RAB37: variants seen among roughly 807,000 people sequenced by gnomAD.
RAB37 encodes RAB37, member RAS oncogene family.
A neutral mutation model predicts 33.1 loss-of-function variants in RAB37; 29 were observed. The ratio of observed to expected loss-of-function variants is 0.88; its 90% confidence interval spans 0.65 to 1.20. The LOEUF (loss-of-function observed/expected upper bound fraction) is 1.20, where lower values mean the gene tolerates loss of function less well. RAB37 is among the 50% of genes most tolerant of loss of function. RAB37 has a pLI of 0.00. For synonymous variants in RAB37, 128 were observed against 119.5 expected (o/e 1.07, Z -0.47); for missense variants, 299 against 301.1 (o/e 0.99, Z 0.05).
chr17:74,713,964 C>A (rs1415819099), intron 1 of RAB37, among the ~76,000 whole-genome samples: 1 of 140,688 alleles, frequency 7.1e-6, no homozygotes, highest in Non-Finnish European at 1.5e-5. Context: ...AATCCCAACA[C>A]TTTGGGAGGC....
intron 1 of RAB37, among the ~76,000 whole-genome samples, chr17:74,702,112 G>A (rs1015149588): frequency 2.0e-5 from 3 of 152,080 alleles, no homozygotes; most frequent in African/African-American, 7.2e-5. Context: ...CAGGTGGTTA[G>A]AATACCGGGG....
intron 1 of RAB37, among the ~76,000 whole-genome samples, chr17:74,696,652 G>C (rs189561361): frequency 1.3e-5 from 2 of 152,102 alleles, no homozygotes; most frequent in Non-Finnish European, 2.9e-5. Flanking sequence ...TCCCCCTCCC[G>C]GGCCCCCGGG....
Position 74,740,761 on chromosome 17 carries a change from C to A in RAB37, c.94-7C>A. 1 of 1,605,176 alleles carries A rather than the reference C, an allele frequency of 6.2e-7. No individual in the cohort carries two copies. Among genetic ancestry groups the A allele is most frequent in the Non-Finnish European group, 8.5e-7 (1 of 1,172,128 alleles). ...CCCCATTAACTGCCTCTGCCCCTAC[C>A]CCCTAGGTGATGCTTCTGGGAGACA... On this transcript the variant is annotated splice_region_variant and splice_polypyrimidine_tract_variant and intron_variant, in intron 1 of 8. Coordinates refer to ENST00000392613, the MANE Select transcript of RAB37 (RefSeq NM_001006638.3).
intron 1 of RAB37, among the ~76,000 whole-genome samples, chr17:74,737,856 C>T (rs1182438018): frequency 6.6e-6 from 1 of 152,204 alleles, no homozygotes; most frequent in Non-Finnish European, 1.5e-5. Flanking sequence ...TCCCATTCCA[C>T]CCGCTGGAGG....
rs537265312 is a variant in RAB37, at chr17:74,725,740, C to A, written c.73-3516C>A. On this transcript the variant is annotated intron_variant, in intron 1 of 7. Transcript: ENST00000340415. ...CCGGGTTCAAGGGATTCTCCTGCCTCAGCCTCCCAAGTAGCTGGGATTACA... is the reference window on the plus strand; with the variant it reads ...CCGGGTTCAAGGGATTCTCCTGCCTAAGCCTCCCAAGTAGCTGGGATTACA... Among the ~76,000 whole-genome samples, 20 of 152,016 alleles carry A rather than the reference C, an allele frequency of 1.3e-4. No homozygotes were observed. The South Asian group carries it at 4.0e-3, about 30-fold the overall frequency.
At chr17:74,679,719 C>T (rs913362821) in intron 1 of RAB37, among the ~76,000 whole-genome samples, 1 of 152,078 alleles carries the variant, frequency 6.6e-6, no homozygotes, top group Non-Finnish European at 1.5e-5. Flanking sequence ...GTGCTTCATG[C>T]CTGTAATCCC....
chr17:74,686,694 C>T (rs2032061796), intron 1 of RAB37, among the ~76,000 whole-genome samples: 1 of 152,090 alleles, frequency 6.6e-6, no homozygotes, highest in Non-Finnish European at 1.5e-5. Flanking sequence ...CAACCAGCCT[C>T]TTCTAGTATT....
At chr17:74,675,785 C>T (rs975929297) in intron 1 of RAB37, among the ~76,000 whole-genome samples, 1 of 152,108 alleles carries the variant, frequency 6.6e-6, no homozygotes, top group African/African-American at 2.4e-5. Context: ...GTAGCTCTTG[C>T]ACTTTAGCTG....
chr17:74,744,331 G>C lies in RAB37; in HGVS notation c.390G>C (p.Glu130Asp). The C allele has an allele frequency of 6.2e-7, 1 of 1,614,074 alleles. No individual in the cohort carries two copies. Among genetic ancestry groups the C allele is most frequent in the Non-Finnish European group, 8.5e-7 (1 of 1,179,980 alleles). Residue 130 changes from glutamate (E) to aspartate (D), a missense_variant, in exon 6 of 9, where the codon GAG becomes GAC. Glu to Asp is a conservative substitution (Grantham distance 45). Coordinates refer to ENST00000392613, the MANE Select transcript of RAB37 (RefSeq NM_001006638.3). The surrounding 1 kb of genome is among the most constrained non-coding windows in gnomAD (Gnocchi z 4.2). The part of the protein sequence containing the change: ...NIRAWLTEIH[E>D]YAQRDVVIML... Reference sequence around the variant, plus strand: ...AGGCCTGGCTCACTGAGATTCATGAGTATGCCCAGAGGGACGTGGTGATCA... The same window carrying C: ...AGGCCTGGCTCACTGAGATTCATGACTATGCCCAGAGGGACGTGGTGATCA...
chr17:74,744,830 G>A lies in RAB37; in HGVS notation c.433-43G>A. On this transcript the variant is annotated intron_variant, in intron 6 of 8. Coordinates refer to ENST00000392613, the MANE Select transcript of RAB37 (RefSeq NM_001006638.3). This position sits in a 1 kb window ranked among gnomAD's most constrained non-coding sequence, Gnocchi z 4.2. ...TGGGGCAAAATATGGGCCCGCTGGGGCGGAGGCCTCCTTCCCCAGAGTGAC... is the reference window on the plus strand; with the variant it reads ...TGGGGCAAAATATGGGCCCGCTGGGACGGAGGCCTCCTTCCCCAGAGTGAC... 3 of 1,612,332 alleles carry A rather than the reference G, an allele frequency of 1.9e-6. No individual in the cohort carries two copies. Among genetic ancestry groups the A allele is most frequent in the Non-Finnish European group, 2.5e-6 (3 of 1,178,336 alleles).
Position 74,671,523 on chromosome 17 carries a change from C to T in RAB37, c.-64C>T. 1 of 1,535,978 alleles carries T rather than the reference C, an allele frequency of 6.5e-7. No homozygotes were observed. Among genetic ancestry groups the T allele is most frequent in the South Asian group, 1.1e-5 (1 of 89,196 alleles). On this transcript the variant is annotated 5_prime_UTR_variant, in exon 1 of 8. Transcript: ENST00000340415. The surrounding 1 kb of genome is among the most constrained non-coding windows in gnomAD (Gnocchi z 5.0). ...CTGCCGCACCCAGCGGAGCTCGAAC[C>T]GAGCTCCTGGAAGCGCTGACGCAGA...
At chr17:74,701,191 C>T (rs1417780806) in intron 1 of RAB37, among the ~76,000 whole-genome samples, 1 of 152,224 alleles carries the variant, frequency 6.6e-6, no homozygotes, top group Admixed American at 6.5e-5. Flanking sequence ...TCCTTCATCA[C>T]TGGATGTGCA....
chr17:74,675,680 A>C lies in RAB37; in HGVS notation c.72+4022A>C, dbSNP rs146325146. ...CAAACATCCCAGTTCTGACTTCCTA[A>C]GTTGAGTATCTTTTTTCTCTTGGAG... On this transcript the variant is annotated intron_variant, in intron 1 of 7. Coordinates refer to the RAB37 transcript ENST00000340415. 2.0e-3 allele frequency among the ~76,000 whole-genome samples: 307 copies of C among 152,290 alleles called. 3 individuals carry two copies. The highest frequency in any genetic ancestry group is 7.1e-3 in the African/African-American group (294 of 41,564).
At position 74,744,069 on chromosome 17, in the gene RAB37, T is replaced by C. The variant is rs2034688057; in HGVS notation, c.367-239T>C. Among the ~76,000 whole-genome samples the C allele has an allele frequency of 6.6e-6, 1 of 152,122 alleles. No individual in the cohort carries two copies. Among genetic ancestry groups the C allele is most frequent in the African/African-American group, 2.4e-5 (1 of 41,426 alleles). ...TTGTGAGATAAGGTCTCCATGCATC[T>C]GGATCTTCCATAGAACTGATAGTTG... is the stretch of plus-strand genomic sequence containing the variant. On this transcript the variant is annotated intron_variant, in intron 5 of 8. Coordinates refer to ENST00000392613, the MANE Select transcript of RAB37 (RefSeq NM_001006638.3). This position sits in a 1 kb window ranked among gnomAD's most constrained non-coding sequence, Gnocchi z 4.2.
intron 1 of RAB37, among the ~76,000 whole-genome samples, chr17:74,683,976 G>C (rs1015288315): frequency 6.6e-6 from 1 of 152,226 alleles, no homozygotes; most frequent in Admixed American, 6.5e-5. Context: ...AAGTGGCTGT[G>C]ACAGAGGCAG....
chr17:74,686,648 C>T (rs1465357544), intron 1 of RAB37, among the ~76,000 whole-genome samples: 2 of 152,136 alleles, frequency 1.3e-5, no homozygotes, highest in African/African-American at 4.8e-5. Flanking sequence ...CCCATCTAGC[C>T]CTCCCAAAGT....
chr17:74,704,799 G>C, intron 1 of RAB37: 1 of 1,613,180 alleles, frequency 6.2e-7, no homozygotes, highest in East Asian at 2.2e-5. Flanking sequence ...CCGGTGATTT[G>C]AGTGACAATG....
intron 1 of RAB37, among the ~76,000 whole-genome samples, chr17:74,698,826 C>T (rs1385257469): frequency 6.6e-6 from 1 of 152,044 alleles, no homozygotes; most frequent in Admixed American, 6.6e-5. Context: ...TGCAATTTAC[C>T]GATATAACAA....
intron 1 of RAB37, chr17:74,695,713 T>C (rs1333034998): frequency 1.2e-6 from 2 of 1,613,960 alleles, no homozygotes; most frequent in South Asian, 1.1e-5. Flanking sequence ...GCAGCCCCCA[T>C]GGAGGACGCA....
Sources: gnomAD v4.1 joint callset for allele counts (sites outside exome capture counted in the v4.1 genomes callset) on GRCh38, gnomAD v4.1.1 for gene constraint, Gnocchi (gnomAD v3.1) non-coding constraint, MANE v1.5 for transcripts, NCBI Gene and HGNC (gene_info 2026-07-23, HGNC 2026-07-21) for gene names.